Variants in ARHGEF10L observed in about 807,000 individuals in gnomAD.
ARHGEF10L encodes the protein rho guanine nucleotide exchange factor 10-like protein.
Under a neutral mutation model 141.2 loss-of-function variants are expected in ARHGEF10L, and 69 were observed. The ratio of observed to expected loss-of-function variants is 0.49; its 90% confidence interval spans 0.40 to 0.60. ARHGEF10L has a LOEUF of 0.60. Among genes scored for constraint, ARHGEF10L ranks in the 20% least tolerant of loss-of-function variants. The probability of loss-of-function intolerance (pLI) is 0.00; values close to 1 mark genes in which losing one functional copy is unlikely to be tolerated. For synonymous variants in ARHGEF10L, 711 were observed against 718.5 expected (o/e 0.99, Z 0.17); for missense variants, 1,482 against 1,734.3 (o/e 0.85, Z 2.58).
In ARHGEF10L at chr1:17,603,514, G is replaced by C; in HGVS notation, c.356G>C (p.Arg119Pro). Residue 119 changes from arginine (R) to proline (P), a missense_variant, in exon 6 of 29, where the codon CGG becomes CCG. Transcript: ENST00000361221. This position sits in a 1 kb window ranked among gnomAD's most constrained non-coding sequence, Gnocchi z 4.8. ...WKRKSSRRID[R>P]FTFPALEEDV... ...CTCCCCACTTCCCTCCCAGTTGACCGGTTCACTTTCCCCGCCCTGGAAGAG... is the reference window on the plus strand; with the variant it reads ...CTCCCCACTTCCCTCCCAGTTGACCCGTTCACTTTCCCCGCCCTGGAAGAG... 1 of 1,613,420 alleles carries C rather than the reference G, an allele frequency of 6.2e-7. No individual in the cohort carries two copies. The highest frequency in any genetic ancestry group is 2.2e-5 in the East Asian group (1 of 44,862).
intron 25 of ARHGEF10L, among the ~76,000 whole-genome samples, chr1:17,658,303 G>A (rs2062401097): frequency 6.6e-6 from 1 of 152,194 alleles, no homozygotes; most frequent in Non-Finnish European, 1.5e-5. Context: ...TCAACATACA[G>A]ATGAGGAGGC....
At position 17,607,898 on chromosome 1, in the gene ARHGEF10L, A is replaced by G. The variant is rs2081325421; in HGVS notation, c.530A>G (p.Tyr177Cys). 6.4e-7 allele frequency: 1 copy of G among 1,559,724 alleles called. No individual in the cohort carries two copies. Among genetic ancestry groups the G allele is most frequent in the African/African-American group, 1.4e-5 (1 of 71,686 alleles). The change falls in exon 7 of 29, where the codon TAC becomes TGC. Residue 177 changes from tyrosine (Y) to cysteine (C), a missense_variant. Transcript: ENST00000361221. This position sits in a 1 kb window ranked among gnomAD's most constrained non-coding sequence, Gnocchi z 4.5. ...LGWSSSEFES[Y>C]SEDSGEEAKP... ...TGGAGCTCCAGTGAGTTCGAGAGCT[A>G]CAGCGAGGACTCGGGGGAGGAGGCC...
At position 17,625,214 on chromosome 1, in the gene ARHGEF10L, G is replaced by T. The variant is rs190198519; in HGVS notation, c.1317+711G>T. On this transcript the variant is annotated intron_variant, in intron 13 of 28. Transcript: ENST00000361221. The surrounding 1 kb of genome is among the most constrained non-coding windows in gnomAD (Gnocchi z 4.5). ...GGATGGTGGGATTGTGCCAAATAAA[G>T]ACAGAGGAGAGCCTATATCAGGTGT... is the stretch of plus-strand genomic sequence containing the variant. 6.6e-6 allele frequency among the ~76,000 whole-genome samples: 1 copy of T among 152,364 alleles called. No homozygotes were observed. The highest frequency in any genetic ancestry group is 2.4e-5 in the African/African-American group (1 of 41,592).
At position 17,656,676 on chromosome 1, in the gene ARHGEF10L, A is replaced by G; in HGVS notation, c.2828A>G (p.Asp943Gly). The G allele has an allele frequency of 6.2e-7, 1 of 1,613,372 alleles. No individual in the cohort carries two copies. The highest frequency in any genetic ancestry group is 8.5e-7 in the Non-Finnish European group (1 of 1,179,964). Reference sequence around the variant, plus strand: ...TTCCACCTGCTCGCTGGCCTGCAGGATGGGACCCTTGCTGCTTACCCTCGG... The same window carrying G: ...TTCCACCTGCTCGCTGGCCTGCAGGGTGGGACCCTTGCTGCTTACCCTCGG... ...SPFHLLAGLQ[D>G]GTLAAYPRTS... is the part of the protein sequence containing the mutation. Residue 943 changes from aspartate (D) to glycine (G), a missense_variant, in exon 25 of 29, where the codon GAT becomes GGT. By Grantham distance (94) the Asp-to-Gly change is moderately conservative. Transcript: ENST00000361221. This position sits in a 1 kb window ranked among gnomAD's most constrained non-coding sequence, Gnocchi z 4.9.
upstream of ARHGEF10L, among the ~76,000 whole-genome samples, chr1:17,537,845 C>A (rs2076597415): frequency 8.3e-6 from 1 of 120,492 alleles, no homozygotes; most frequent in Middle Eastern, 6.3e-3. Context: ...AGTAAGACCA[C>A]CATCTCTACA....
chr1:17,624,673 C>T (rs1187799638), intron 13 of ARHGEF10L, among the ~76,000 whole-genome samples, 170 bp downstream of exon 13: 1 of 152,174 alleles, frequency 6.6e-6, no homozygotes, highest in African/African-American at 2.4e-5. Context: ...TCGTTCCCTC[C>T]TGCCCCTGGG....
the ARHGEF10L span, among the ~76,000 whole-genome samples, chr1:17,517,505 GT>G: frequency 6.6e-6 from 1 of 151,486 alleles, no homozygotes; most frequent in Non-Finnish European, 1.5e-5. Context: ...TGTAGAGAGA[GT>G]TTCGCCATGT....
At chr1:17,684,605 G>T (rs554781930) in intron 26 of ARHGEF10L, among the ~76,000 whole-genome samples, 3 of 152,288 alleles carry the variant, frequency 2.0e-5, no homozygotes, top group African/African-American at 4.8e-5. Context: ...GAGACAGTTC[G>T]CTTCCTCTGA....
At chr1:17,668,173 A>G (rs2063100272) in intron 26 of ARHGEF10L, among the ~76,000 whole-genome samples, 1 of 152,208 alleles carries the variant, frequency 6.6e-6, no homozygotes, top group African/African-American at 2.4e-5. Flanking sequence ...CTGTCATTGT[A>G]ATAATTTACC....
At chr1:17,652,298 G>A (rs940108301) in intron 22 of ARHGEF10L, among the ~76,000 whole-genome samples, 1 of 152,174 alleles carries the variant, frequency 6.6e-6, no homozygotes, top group African/African-American at 2.4e-5. Context: ...CCCACGCTGG[G>A]CCACACCAAG....
Position 17,621,982 on chromosome 1 carries a change from C to A in ARHGEF10L, c.1020+41C>A. 6.2e-7 allele frequency: 1 copy of A among 1,606,016 alleles called. No homozygotes were observed. The highest frequency in any genetic ancestry group is 8.5e-7 in the Non-Finnish European group (1 of 1,172,786). On this transcript the variant is annotated intron_variant, in intron 11 of 28. Coordinates refer to ENST00000361221, the MANE Select transcript of ARHGEF10L (RefSeq NM_018125.4). This position sits in a 1 kb window ranked among gnomAD's most constrained non-coding sequence, Gnocchi z 4.1. Reference sequence around the variant, plus strand: ...GTTCTCAAGGGTCTCTGGGGAGAAGCAGGGAGGGCCCTGGAGGGTAACTTT... The same window carrying A: ...GTTCTCAAGGGTCTCTGGGGAGAAGAAGGGAGGGCCCTGGAGGGTAACTTT...
chr1:17,686,894 C>T (rs1222563465), intron 26 of ARHGEF10L, among the ~76,000 whole-genome samples: 5 of 151,254 alleles, frequency 3.3e-5, no homozygotes, highest in Admixed American at 2.0e-4. Flanking sequence ...CTGAAAGGCT[C>T]GTCCACACTC....
intron 1 of ARHGEF10L, among the ~76,000 whole-genome samples, chr1:17,576,690 G>T (rs755031105): frequency 6.6e-6 from 1 of 152,184 alleles, no homozygotes; most frequent in Non-Finnish European, 1.5e-5. Flanking sequence ...ATGGAGCGTA[G>T]AATTCATCAC....
At position 17,639,938 on chromosome 1, in the gene ARHGEF10L, T is replaced by C. The variant is rs899475394; in HGVS notation, c.2172-264T>C. On this transcript the variant is annotated intron_variant, in intron 20 of 28. Coordinates refer to ENST00000361221, the MANE Select transcript of ARHGEF10L (RefSeq NM_018125.4). The surrounding 1 kb of genome is among the most constrained non-coding windows in gnomAD (Gnocchi z 4.3). ...CTCTGCCGGGCACAAAGCCAGAGGC[T>C]CCTGGAGCCAGGCTGGGGAGCGTGG... The C allele has an allele frequency of 2.1e-5, 31 of 1,477,404 alleles. No individual in the cohort carries two copies. Among genetic ancestry groups the C allele is most frequent in the Non-Finnish European group, 2.8e-5 (31 of 1,109,720 alleles). 91.5% of individuals were successfully genotyped at this position (1,477,404 alleles called of 1,614,324 possible).
At chr1:17,571,520 G>A (rs765908866) in intron 1 of ARHGEF10L, among the ~76,000 whole-genome samples, 4 of 151,982 alleles carry the variant, frequency 2.6e-5, no homozygotes, top group Non-Finnish European at 5.9e-5. Flanking sequence ...GTAATGCAGC[G>A]TATTTATTCA....
At chr1:17,545,106 T>G (rs528838167) in intron 1 of ARHGEF10L, among the ~76,000 whole-genome samples, 1 of 151,996 alleles carries the variant, frequency 6.6e-6, no homozygotes, top group Admixed American at 6.6e-5. Flanking sequence ...TGAGTGTGGG[T>G]GTGGGTGTGT....
rs750936546 is a variant in ARHGEF10L at position 17,654,730 on chromosome 1, AC to A, written c.2481+14del. 1.9e-6 allele frequency: 3 copies of A among 1,612,826 alleles called. No individual in the cohort carries two copies. Among genetic ancestry groups the A allele is most frequent in the South Asian group, 1.1e-5 (1 of 91,048 alleles). On this transcript the variant is annotated intron_variant, in intron 23 of 28. Transcript: ENST00000361221. This position sits in a 1 kb window ranked among gnomAD's most constrained non-coding sequence, Gnocchi z 4.3. ...CCACAGGGCTACCTCTGGGTGAGTCACCCCCCTGCCCAGCTGGGCATTCTGG... is the reference window on the plus strand; with the variant it reads ...CCACAGGGCTACCTCTGGGTGAGTCACCCCCTGCCCAGCTGGGCATTCTGG...
At position 17,639,942 on chromosome 1, in the gene ARHGEF10L, G is replaced by A. The variant is rs1557900924; in HGVS notation, c.2172-260G>A. On this transcript the variant is annotated intron_variant, in intron 20 of 28. Transcript: ENST00000361221. This position sits in a 1 kb window ranked among gnomAD's most constrained non-coding sequence, Gnocchi z 4.3. ...GCCGGGCACAAAGCCAGAGGCTCCT[G>A]GAGCCAGGCTGGGGAGCGTGGCTCA... 4 of 1,481,926 alleles carry A rather than the reference G, an allele frequency of 2.7e-6. No homozygotes were observed. In the East Asian group the frequency reaches 8.2e-5, roughly 30 times the overall value. 91.8% of individuals were successfully genotyped at this position (1,481,926 alleles called of 1,614,324 possible).
chr1:17,609,367 G>A (rs550317254), intron 7 of ARHGEF10L, among the ~76,000 whole-genome samples: 3 of 152,280 alleles, frequency 2.0e-5, no homozygotes, highest in African/African-American at 7.2e-5. Flanking sequence ...TCCAGGGGTG[G>A]GCTGTGGAAA....
Sources: gnomAD v4.1 joint callset for allele counts (sites outside exome capture counted in the v4.1 genomes callset) on GRCh38, gnomAD v4.1.1 for gene constraint, Gnocchi (gnomAD v3.1) non-coding constraint, MANE v1.5 for transcripts, NCBI Gene and HGNC (gene_info 2026-07-23, HGNC 2026-07-21) for gene names.